Variants in BRPF3 observed in about 807,000 individuals in gnomAD.
BRPF3 encodes bromodomain and PHD finger-containing protein 3.
BRPF3 carries 18 observed loss-of-function variants against 102.0 expected under a neutral mutation model. The ratio of observed to expected loss-of-function variants is 0.18; its 90% CI spans 0.12 to 0.26. BRPF3 has a LOEUF of 0.26. BRPF3 is among the 10% of genes least tolerant of loss of function. BRPF3 has a pLI of 1.00. For synonymous variants in BRPF3, 570 were observed against 614.2 expected, an observed-to-expected ratio of 0.93 and a Z score of 1.06; for missense variants, 1,147 against 1,567.8, an observed-to-expected ratio of 0.73 and a Z score of 4.53.
chr6:36,204,538 C>T, intron 2 of BRPF3, 120 bp from the exon 3 acceptor site: 1 of 1,184,146 alleles, frequency 8.4e-7, no homozygotes, highest in South Asian at 1.3e-5. Context: ...GGTATTTGGC[C>T]ATTTTATTCT....
rs759502001 is a variant in BRPF3 at position 36,209,766 on chromosome 6, C to G, written c.1738-21C>G. On this transcript the variant is annotated intron_variant, in intron 4 of 12. Transcript: ENST00000357641. ...TTTGCAGGGGATGTTCTGATCTGAT[C>G]TCACCCCACCTTCCCCACAGGTCAA... The G allele has an allele frequency of 1.9e-6, 3 of 1,612,120 alleles. No individual in the cohort carries two copies. In the East Asian group the frequency reaches 6.7e-5, roughly 36 times the overall value.
intron 2 of BRPF3, among the ~76,000 whole-genome samples, chr6:36,202,223 T>C (rs1581944636): frequency 6.6e-6 from 1 of 151,554 alleles, no homozygotes; most frequent in Non-Finnish European, 1.5e-5. Flanking sequence ...TTGGGGAGGG[T>C]AGAACTAATT....
intron 11 of BRPF3, among the ~76,000 whole-genome samples, chr6:36,227,572 T>C (rs1466940772): frequency 6.6e-6 from 1 of 152,186 alleles, no homozygotes; most frequent in Non-Finnish European, 1.5e-5. Flanking sequence ...TTTTTCACAA[T>C]CTACCCTCTG....
In BRPF3 at chr6:36,201,476, C is replaced by A. The variant is rs775060976; in HGVS notation, c.1154C>A (p.Ala385Asp). 1 of 1,614,162 alleles carries A rather than the reference C, an allele frequency of 6.2e-7. No homozygotes were observed. Among genetic ancestry groups the A allele is most frequent in the African/African-American group, 1.3e-5 (1 of 75,028 alleles). The change falls in exon 2 of 13, where the codon GCC becomes GAC. Residue 385 changes from alanine (A) to aspartate (D), a missense_variant. Ala to Asp is a moderately radical substitution (Grantham distance 126). This residue lies in a region of BRPF3 where 157 missense variants were observed against 163.6 expected (regional missense o/e 0.96). Transcript: ENST00000357641. This position sits in a 1 kb window ranked among gnomAD's most constrained non-coding sequence, Gnocchi z 5.1. Reference protein sequence around the residue: ...FTVRKTAYCEAHSPPGAATAR... With the variant: ...FTVRKTAYCEDHSPPGAATAR... ...GTGCGCAAGACTGCCTACTGTGAGG[C>A]CCACTCGCCACCAGGTGCGGCCACT...
intron 9 of BRPF3, 82 bp downstream of exon 9, chr6:36,218,092 TCCTGCTTA>T (rs1157836825): frequency 8.1e-7 from 1 of 1,227,628 alleles, no homozygotes; most frequent in African/African-American, 1.5e-5. Context: ...TTGAACCTCT[TCCTGCTTA>T]CCTTTTTCTC....
intron 8 of BRPF3, 78 bp downstream of exon 8, chr6:36,214,464 T>C (rs1250484767): frequency 2.7e-6 from 4 of 1,463,196 alleles, no homozygotes; most frequent in South Asian, 1.4e-5. Flanking sequence ...CCTTCCCCAA[T>C]TGGCCATCTC....
chr6:36,211,384 G>A lies in BRPF3; in HGVS notation c.2306G>A (p.Arg769His), dbSNP rs772105109. ...RSSGARTRRV[R>H]LLRREINALR... ...AGTGGGGCCCGCACCCGTCGTGTCC[G>A]CCTGCTACGCCGGGAGATCAATGCC... The change falls in exon 7 of 13, where the codon CGC becomes CAC. Residue 769 changes from arginine to histidine, a missense_variant. By Grantham distance (29) the Arg-to-His change is conservative. Transcript: ENST00000357641. 9.9e-6 allele frequency: 16 copies of A among 1,614,028 alleles called. No individual in the cohort carries two copies. The highest frequency in any genetic ancestry group is 1.3e-5 in the African/African-American group (1 of 74,946).
chr6:36,214,174 G>A lies in BRPF3; in HGVS notation c.2777G>A (p.Arg926His), dbSNP rs773273873. ...AGTPLSGVGR[R>H]TSVLFKKAKN... Reference sequence around the variant, plus strand: ...ACCCCACTTAGTGGTGTGGGTCGCCGCACATCAGTCCTCTTCAAGAAGGCC... The same window carrying A: ...ACCCCACTTAGTGGTGTGGGTCGCCACACATCAGTCCTCTTCAAGAAGGCC... Residue 926 changes from arginine (R) to histidine (H), a missense_variant, in exon 8 of 13, where the codon CGC becomes CAC. Around this residue, in one of 11 missense-constraint regions of BRPF3, gnomAD observed 379 missense variants for 426.3 expected, o/e 0.89. Transcript: ENST00000357641. The A allele has an allele frequency of 5.6e-6, 9 of 1,614,048 alleles. No homozygotes were observed. The highest frequency in any genetic ancestry group is 7.6e-6 in the Non-Finnish European group (9 of 1,180,026).
Position 36,210,248 on chromosome 6 carries a change from A to C in BRPF3, c.1899A>C (p.Pro633=). The change falls in exon 6 of 13, where the codon CCA becomes CCC. Residue 633 remains proline (P), a synonymous_variant. Coordinates refer to ENST00000357641, the MANE Select transcript of BRPF3 (RefSeq NM_015695.3). The surrounding 1 kb of genome is among the most constrained non-coding windows in gnomAD (Gnocchi z 4.7). ...ATTACCTGGAATTCATATCCAAGCCAATGGATTTTTCTACTATGAGGCGGA... is the reference window on the plus strand; with the variant it reads ...ATTACCTGGAATTCATATCCAAGCCCATGGATTTTTCTACTATGAGGCGGA... ...VPDYLEFISK[P]MDFSTMRRKL... 1.2e-6 allele frequency: 2 copies of C among 1,614,260 alleles called. No homozygotes were observed. Among genetic ancestry groups the C allele is most frequent in the Non-Finnish European group, 1.7e-6 (2 of 1,180,044 alleles).
chr6:36,229,127 A>G, intron 12 of BRPF3, 71 bp downstream of exon 12: 1 of 1,545,136 alleles, frequency 6.5e-7, no homozygotes, highest in Non-Finnish European at 8.8e-7. Flanking sequence ...TGTGCTAGTG[A>G]GGTGTACAGA....
intron 7 of BRPF3, among the ~76,000 whole-genome samples, chr6:36,212,825 C>T (rs993797991): frequency 2.5e-4 from 38 of 151,928 alleles, no homozygotes; most frequent in African/African-American, 8.5e-4. Flanking sequence ...CGGTGGCGGG[C>T]GCCTGTAGTC....
intron 8 of BRPF3, among the ~76,000 whole-genome samples, chr6:36,216,995 C>T (rs1319767462): frequency 6.6e-6 from 1 of 152,174 alleles, no homozygotes; most frequent in East Asian, 1.9e-4. Context: ...ACCTTGTTTA[C>T]ACCACTGCAC....
At chr6:36,212,152 C>T (rs955788094) in intron 7 of BRPF3, among the ~76,000 whole-genome samples, 1 of 151,506 alleles carries the variant, frequency 6.6e-6, no homozygotes, top group African/African-American at 2.4e-5. Flanking sequence ...TGAGAAAAGA[C>T]AAAAAAATAA....
intron 9 of BRPF3, among the ~76,000 whole-genome samples, chr6:36,219,134 A>G (rs889455084): frequency 6.6e-6 from 1 of 152,094 alleles, no homozygotes; most frequent in Non-Finnish European, 1.5e-5. Context: ...CAGACTGGGC[A>G]TGTGTTCTTT....
rs1767839157 is a variant in BRPF3, at chr6:36,204,640, C to CG, written c.1449-17dup. ...GCCCACTGACCTTGTCTTTCACTTCCGTGTGCCTCTACTCAAGGTTGAACA... is the reference window on the plus strand; with the variant it reads ...GCCCACTGACCTTGTCTTTCACTTCCGGTGTGCCTCTACTCAAGGTTGAACA... On this transcript the variant is annotated splice_polypyrimidine_tract_variant and intron_variant, in intron 2 of 12. Transcript: ENST00000357641. 1 of 1,614,036 alleles carries CG rather than the reference C, an allele frequency of 6.2e-7. No homozygotes were observed. Among genetic ancestry groups the CG allele is most frequent in the Non-Finnish European group, 8.5e-7 (1 of 1,180,018 alleles).
chr6:36,230,804 G>T lies in BRPF3; in HGVS notation c.*195G>T. On this transcript the variant is annotated 3_prime_UTR_variant, in exon 13 of 13. Transcript: ENST00000357641. The surrounding 1 kb of genome is among the most constrained non-coding windows in gnomAD (Gnocchi z 5.4). Reference sequence around the variant, plus strand: ...GGTTCTCCTGGCAGGCCTGCTGTGTGCCAAAAACTCCCACCCAAGGTCCCT... The same window carrying T: ...GGTTCTCCTGGCAGGCCTGCTGTGTTCCAAAAACTCCCACCCAAGGTCCCT... The T allele has an allele frequency of 1.6e-6, 1 of 637,468 alleles. No homozygotes were observed. The highest frequency in any genetic ancestry group is 2.6e-6 in the Non-Finnish European group (1 of 384,454). The allele number at this position is 637,468 out of a possible 1,614,324, so 39.5% of individuals were successfully genotyped here. A position where few individuals can be genotyped will look rare whatever the true frequency, so the allele number is the denominator to read the frequency against.
At chr6:36,197,246 C>G (rs920939899) in intron 1 of BRPF3, 2 of 152,206 alleles carry the variant, frequency 1.3e-5, no homozygotes, top group Non-Finnish European at 2.9e-5. Context: ...CCCCGCCACG[C>G]CTTCCAATTG....
Position 36,214,086 on chromosome 6 carries a change from C to A in BRPF3, c.2689C>A (p.Arg897Ser), listed in dbSNP as rs367563122. The stretch of plus-strand genomic sequence containing the variant: ...GCAGCTAGGGAATGAGCCTTTGCAA[C>A]GCTTGCTCAGTGACAATGGCATCAA... ...PLQLGNEPLQ[R>S]LLSDNGINRL... is the part of the protein sequence containing the mutation. The change falls in exon 8 of 13, where the codon CGC (arginine) becomes AGC (serine). Residue 897 changes from arginine to serine, a missense_variant. Physicochemically the swap from Arg to Ser is moderately radical, Grantham distance 110. Around this residue, in one of 11 missense-constraint regions of BRPF3, gnomAD observed 379 missense variants for 426.3 expected, o/e 0.89. Coordinates refer to ENST00000357641, the MANE Select transcript of BRPF3 (RefSeq NM_015695.3). 3 of 1,614,188 alleles carry A rather than the reference C, an allele frequency of 1.9e-6. No homozygotes were observed. In the East Asian group the frequency reaches 6.7e-5, roughly 36 times the overall value.
intron 9 of BRPF3, among the ~76,000 whole-genome samples, chr6:36,219,572 A>G (rs1193537663): frequency 6.6e-6 from 1 of 152,196 alleles, no homozygotes; most frequent in East Asian, 1.9e-4. Flanking sequence ...CACAAGAGCA[A>G]GCAAGGCCAG....
Sources: gnomAD v4.1 joint callset for allele counts (sites outside exome capture counted in the v4.1 genomes callset) on GRCh38, gnomAD v4.1.1 for gene constraint, gnomAD v4.1.1 regional missense constraint, Gnocchi (gnomAD v3.1) non-coding constraint, MANE v1.5 for transcripts, NCBI Gene and HGNC (gene_info 2026-07-23, HGNC 2026-07-21) for gene names.